The following GHITM variants were observed in gnomAD, a reference collection of about 807,000 sequenced individuals.
GHITM encodes growth hormone inducible transmembrane protein, also known as growth hormone-inducible transmembrane protein.
In GHITM, 24 loss-of-function variants were observed where a neutral mutation model predicts 38.7. The observed-to-expected ratio is 0.62, with a 90% CI of 0.45 to 0.87. The LOEUF is 0.87. GHITM is among the 40% of genes least tolerant of loss of function. GHITM has a pLI of 0.00. For synonymous variants in GHITM, 154 were observed against 147.8 expected (o/e 1.04, Z -0.30); for missense variants, 420 against 429.8 (o/e 0.98, Z 0.20).
chr10:84,144,048 G>A lies in GHITM; in HGVS notation c.283G>A (p.Ala95Thr), dbSNP rs545486017. ...VAGGAAVGLG[A>T]LCYYGLGLSN... is the part of the protein sequence containing the mutation. ...TGGAGGGGCTGCTGTTGGTCTTGGAGCATTGTGCTACTATGGCTTGGGACT... is the reference window on the plus strand; with the variant it reads ...TGGAGGGGCTGCTGTTGGTCTTGGAACATTGTGCTACTATGGCTTGGGACT... The change falls in exon 4 of 9, where the codon GCA becomes ACA. Residue 95 changes from alanine to threonine, a missense_variant. Coordinates refer to ENST00000372134, the MANE Select transcript of GHITM (RefSeq NM_014394.3). The A allele has an allele frequency of 6.2e-7, 1 of 1,614,138 alleles. No homozygotes were observed. Among genetic ancestry groups the A allele is most frequent in the East Asian group, 2.2e-5 (1 of 44,876 alleles).
chr10:84,142,147 C>T (rs1444201438), intron 2 of GHITM, among the ~76,000 whole-genome samples: 1 of 152,172 alleles, frequency 6.6e-6, no homozygotes, highest in Non-Finnish European at 1.5e-5. Context: ...GACATTTTCT[C>T]TTTTAAATTA....
chr10:84,146,023 C>T (rs1258053813), intron 5 of GHITM, among the ~76,000 whole-genome samples: 2 of 151,942 alleles, frequency 1.3e-5, no homozygotes, highest in Non-Finnish European at 2.9e-5. Flanking sequence ...TAGTGAGACA[C>T]TGTCTGTAAT....
At chr10:84,143,340 C>T (rs1030543747) in intron 3 of GHITM, among the ~76,000 whole-genome samples, 3 of 152,162 alleles carry the variant, frequency 2.0e-5, no homozygotes, top group Admixed American at 6.5e-5. Context: ...AATCAGTATC[C>T]TTCAGGTCAT....
chr10:84,150,765 A>T lies in GHITM; in HGVS notation c.838A>T (p.Met280Leu). 1.2e-6 allele frequency: 2 copies of T among 1,612,264 alleles called. No homozygotes were observed. Among genetic ancestry groups the T allele is most frequent in the East Asian group, 2.2e-5 (1 of 44,876 alleles). Reference protein sequence around the residue: ...VAGATLYSVAMYGGLVLFSMF... With the variant: ...VAGATLYSVALYGGLVLFSMF... The stretch of plus-strand genomic sequence containing the variant: ...TGGTGCCACTCTTTACTCAGTGGCA[A>T]TGTACGGTGGATTAGTTCTTTTCAG... The change falls in exon 8 of 9, where the codon ATG becomes TTG. Residue 280 changes from methionine (M) to leucine (L), a missense_variant. Transcript: ENST00000372134.
rs1268414570 is a variant in GHITM, at chr10:84,152,597, T to C, written c.*249T>C. 6 of 357,202 alleles carry C rather than the reference T, an allele frequency of 1.7e-5. No homozygotes were observed. Among genetic ancestry groups the C allele is most frequent in the Non-Finnish European group, 3.0e-5 (6 of 200,320 alleles). 22.1% of individuals were successfully genotyped at this position (357,202 alleles called of 1,614,324 possible). ...ATGTTTGAGTGATTTTAAAATGTTT[T>C]GGTGAATGTGAAAACTAAAGTTTGT... On this transcript the variant is annotated 3_prime_UTR_variant, in exon 9 of 9. Transcript: ENST00000372134.
rs957245002 is a variant in GHITM, at chr10:84,141,083, A to G, written c.-39-379A>G. On this transcript the variant is annotated intron_variant, in intron 1 of 8. Coordinates refer to ENST00000372134, the MANE Select transcript of GHITM (RefSeq NM_014394.3). ...TATGTAGATTCTTTTAAATTTTCCC[A>G]CTGGATGCTGGTATAAATCTTAAGC... 7.9e-5 allele frequency among the ~76,000 whole-genome samples: 12 copies of G among 152,288 alleles called. No homozygotes were observed. In the South Asian group the frequency reaches 8.3e-4, roughly 11 times the overall value.
intron 5 of GHITM, among the ~76,000 whole-genome samples, chr10:84,146,553 A>G (rs1462704853): frequency 6.6e-6 from 1 of 152,188 alleles, no homozygotes; most frequent in Non-Finnish European, 1.5e-5. Context: ...TATTCTTAGG[A>G]TCATGCTTTT....
At chr10:84,141,777 G>A in intron 2 of GHITM, 148 bp downstream of exon 2, 1 of 718,802 alleles carries the variant, frequency 1.4e-6, no homozygotes. Flanking sequence ...CCATTAGTTT[G>A]TATCATTCTG....
At chr10:84,149,515 A>G (rs1841589883) in intron 6 of GHITM, among the ~76,000 whole-genome samples, 2 of 151,814 alleles carry the variant, frequency 1.3e-5, no homozygotes. Flanking sequence ...AGTTCCATTT[A>G]CCTTTGTTGA....
At position 84,144,980 on chromosome 10, in the gene GHITM, T is replaced by C; in HGVS notation, c.447T>C (p.Pro149=). 1.2e-6 allele frequency: 2 copies of C among 1,612,566 alleles called. No homozygotes were observed. Among genetic ancestry groups the C allele is most frequent in the Non-Finnish European group, 1.7e-6 (2 of 1,178,906 alleles). Residue 149 remains proline (P), a synonymous_variant, in exon 5 of 9, where the codon CCT becomes CCC. Coordinates refer to ENST00000372134, the MANE Select transcript of GHITM (RefSeq NM_014394.3). ...ALSAIAISRT[P]VLMNFMMRGS... The stretch of plus-strand genomic sequence containing the variant: ...CTGCCATAGCAATCAGCAGAACGCC[T>C]GTTCTCATGAACTTCATGATGAGAG...
Position 84,143,657 on chromosome 10 carries a change from A to G in GHITM, c.230-338A>G, listed in dbSNP as rs533199229. ...CCTTCTCATTTTTTACTTTCCATGAATGTCATGTGAATATACTTCAACCTC... is the reference window on the plus strand; with the variant it reads ...CCTTCTCATTTTTTACTTTCCATGAGTGTCATGTGAATATACTTCAACCTC... On this transcript the variant is annotated intron_variant, in intron 3 of 8. Transcript: ENST00000372134. Among the ~76,000 whole-genome samples the G allele has an allele frequency of 3.3e-5, 5 of 152,298 alleles. No homozygotes were observed. In the South Asian group the frequency reaches 8.3e-4, roughly 25 times the overall value.
In GHITM at chr10:84,150,216, C is replaced by G. The variant is rs1485328880; in HGVS notation, c.754C>G (p.Leu252Val). 6.2e-7 allele frequency: 1 copy of G among 1,610,656 alleles called. No individual in the cohort carries two copies. Among genetic ancestry groups the G allele is most frequent in the South Asian group, 1.1e-5 (1 of 90,812 alleles). Residue 252 changes from leucine (L) to valine (V), a missense_variant, in exon 7 of 9, where the codon CTG becomes GTG. By Grantham distance (32) the Leu-to-Val change is conservative (BLOSUM62 1). Coordinates refer to ENST00000372134, the MANE Select transcript of GHITM (RefSeq NM_014394.3). ...CATGGGTGCACCCCTGGGAGTGGGC[C>G]TGGGTCTCGTCTTTGTGTCCTCATT... ...LNMGAPLGVG[L>V]GLVFVSSLGS...
intron 7 of GHITM, among the ~76,000 whole-genome samples, 195 bp downstream of exon 7, chr10:84,150,438 A>G (rs1030663001): frequency 6.6e-6 from 1 of 152,272 alleles, no homozygotes; most frequent in African/African-American, 2.4e-5. Flanking sequence ...TGGCTTTACC[A>G]AACACATCTA....
intron 1 of GHITM, chr10:84,140,559 A>AAGT (rs1159992026): frequency 6.6e-6 from 1 of 152,204 alleles, no homozygotes; most frequent in Non-Finnish European, 1.5e-5. Flanking sequence ...ATGGGCCCAG[A>AAGT]AGTATATCAC....
At chr10:84,151,642 C>G (rs1484463211) in intron 8 of GHITM, among the ~76,000 whole-genome samples, 2 of 152,016 alleles carry the variant, frequency 1.3e-5, no homozygotes, top group Non-Finnish European at 2.9e-5. Context: ...TATAAAGAGT[C>G]TAGTTTCAGA....
At chr10:84,150,313 C>G (rs1464319995) in intron 7 of GHITM, 70 bp downstream of exon 7, 18 of 1,144,130 alleles carry the variant, frequency 1.6e-5, no homozygotes, top group Non-Finnish European at 2.1e-5. Context: ...CTCCAATATC[C>G]TAATTGATTG....
intron 6 of GHITM, among the ~76,000 whole-genome samples, 171 bp from the exon 7 acceptor site, chr10:84,149,884 T>C (rs1378986335): frequency 6.6e-6 from 1 of 152,234 alleles, no homozygotes; most frequent in African/African-American, 2.4e-5. Context: ...ATTTGAGTAG[T>C]CACCAATTTG....
In GHITM at chr10:84,150,133, G is replaced by T. The variant is rs1841596905; in HGVS notation, c.671G>T (p.Gly224Val). Residue 224 changes from glycine (G) to valine (V), a missense_variant, in exon 7 of 9, where the codon GGC becomes GTC. Transcript: ENST00000372134. ...LLIRAAWYTA[G>V]IVGGLSTVAM... is the part of the protein sequence containing the mutation. The stretch of plus-strand genomic sequence containing the variant: ...ATCAGAGCTGCATGGTACACAGCTG[G>T]CATTGTGGGAGGCCTCTCCACTGTG... 1.9e-6 allele frequency: 3 copies of T among 1,613,856 alleles called. No individual in the cohort carries two copies. In the African/African-American group the frequency reaches 4.0e-5, roughly 22 times the overall value.
chr10:84,150,623 AT>A (rs940551526), intron 7 of GHITM, 85 bp from the exon 8 acceptor site: 433 of 1,060,538 alleles, frequency 4.1e-4, no homozygotes, highest in Admixed American at 8.4e-4. Flanking sequence ...TACCAAGGAG[AT>A]TTTTTTTTAA....
Sources: gnomAD v4.1 joint callset for allele counts (sites outside exome capture counted in the v4.1 genomes callset) on GRCh38, gnomAD v4.1.1 for gene constraint, MANE v1.5 for transcripts, NCBI Gene and HGNC (gene_info 2026-07-23, HGNC 2026-07-21) for gene names.